Variants in TTLL5 observed in about 807,000 individuals in gnomAD.
The protein encoded by TTLL5 is tubulin tyrosine ligase like 5.
Under a neutral mutation model 168.4 loss-of-function variants are expected in TTLL5, and 132 were observed. The observed-to-expected ratio is 0.78, with a 90% confidence interval of 0.68 to 0.91. The LOEUF is 0.91. Among genes scored for constraint, TTLL5 ranks in the 40% least tolerant of loss-of-function variants. The probability of loss-of-function intolerance (pLI) is 0.00; values close to 1 mark genes in which losing one functional copy is unlikely to be tolerated. For missense variants in TTLL5, 1,545 were observed against 1,581.5 expected (o/e 0.98, Z 0.39); for synonymous variants, 546 against 558.6 (o/e 0.98, Z 0.32).
intron 28 of TTLL5, among the ~76,000 whole-genome samples, chr14:75,855,358 A>G (rs749084738): frequency 1.2e-4 from 18 of 152,188 alleles, no homozygotes; most frequent in Non-Finnish European, 2.4e-4. Context: ...TGGAGGGTGA[A>G]CAAAAGCTGA....
At chr14:75,899,102 C>T (rs2032805468) in intron 30 of TTLL5, among the ~76,000 whole-genome samples, 1 of 152,128 alleles carries the variant, frequency 6.6e-6, no homozygotes, top group South Asian at 2.1e-4. Flanking sequence ...AGTAATAGTT[C>T]ATGTATATTT....
intron 21 of TTLL5, among the ~76,000 whole-genome samples, chr14:75,775,057 A>G (rs1055949836): frequency 3.4e-5 from 5 of 145,950 alleles, no homozygotes; most frequent in Admixed American, 6.9e-5. Flanking sequence ...ATACTTCATC[A>G]TCTTTTCTAT....
chr14:75,801,008 A>G (rs939467202), intron 27 of TTLL5, among the ~76,000 whole-genome samples: 2 of 152,064 alleles, frequency 1.3e-5, no homozygotes, highest in Non-Finnish European at 2.9e-5. Context: ...AGAGAGCATC[A>G]GCTGATACAA....
chr14:75,807,214 G>A (rs1254292030), intron 27 of TTLL5, among the ~76,000 whole-genome samples: 6 of 152,126 alleles, frequency 3.9e-5, no homozygotes, highest in Admixed American at 6.5e-5. Context: ...TTGGGAGGCC[G>A]AGGTGGGTGG....
intron 31 of TTLL5, among the ~76,000 whole-genome samples, chr14:75,933,538 A>T: frequency 6.6e-6 from 1 of 152,342 alleles, no homozygotes; most frequent in East Asian, 1.9e-4. Context: ...TCTCTGGCTC[A>T]AGGTCTCTCA....
chr14:75,793,472 A>G (rs1372023612), intron 27 of TTLL5, among the ~76,000 whole-genome samples: 1 of 152,130 alleles, frequency 6.6e-6, no homozygotes, highest in African/African-American at 2.4e-5. Context: ...TTATAACATT[A>G]CCCTTTAAAA....
intron 29 of TTLL5, among the ~76,000 whole-genome samples, chr14:75,868,772 A>G (rs147474302): frequency 6.6e-6 from 1 of 152,320 alleles, no homozygotes; most frequent in African/African-American, 2.4e-5. Context: ...TCCTGCAGGA[A>G]TGAATTCTGT....
chr14:75,870,305 CT>C (rs2030923062), intron 29 of TTLL5, among the ~76,000 whole-genome samples: 1 of 148,168 alleles, frequency 6.7e-6, no homozygotes, highest in Admixed American at 6.8e-5. Context: ...CGGGGTCTCG[CT>C]ATATTGCCCA....
chr14:75,692,318 A>G (rs979228257), intron 6 of TTLL5, among the ~76,000 whole-genome samples: 10 of 152,200 alleles, frequency 6.6e-5, no homozygotes, highest in African/African-American at 1.7e-4. Flanking sequence ...ACTACTCACT[A>G]TATTAATACT....
intron 27 of TTLL5, among the ~76,000 whole-genome samples, chr14:75,819,601 A>G (rs965569710): frequency 1.3e-5 from 2 of 152,170 alleles, no homozygotes; most frequent in Non-Finnish European, 2.9e-5. Flanking sequence ...TTTGTGTATT[A>G]TAATAATGTT....
At chr14:75,709,355 AGAC>A in intron 9 of TTLL5, 1 of 604,490 alleles carries the variant, frequency 1.7e-6, no homozygotes, top group Non-Finnish European at 3.0e-6. Flanking sequence ...CAGTGAGAGC[AGAC>A]TAACCAAACC....
At chr14:75,875,440 T>G (rs1215607135) in intron 29 of TTLL5, among the ~76,000 whole-genome samples, 1 of 150,790 alleles carries the variant, frequency 6.6e-6, no homozygotes, top group African/African-American at 2.4e-5. Context: ...TCCCACCTAC[T>G]TGGGAGGCTG....
At chr14:75,724,873 A>G (rs1888092874) in intron 12 of TTLL5, among the ~76,000 whole-genome samples, 1 of 152,232 alleles carries the variant, frequency 6.6e-6, no homozygotes, top group Non-Finnish European at 1.5e-5. Context: ...GTGAGATACA[A>G]CTGGCTATGA....
At chr14:75,690,431 GAC>G in intron 6 of TTLL5, 109 bp downstream of exon 6, 1 of 1,317,950 alleles carries the variant, frequency 7.6e-7, no homozygotes, top group Non-Finnish European at 1.0e-6. Flanking sequence ...CAAATCCTTA[GAC>G]AACTGTGACT....
chr14:75,793,163 A>C (rs1165909238), intron 27 of TTLL5, 63 bp downstream of exon 27: 2 of 1,420,252 alleles, frequency 1.4e-6, no homozygotes. Flanking sequence ...ATGACAGGGT[A>C]CTTTGTCTTT....
At chr14:75,675,874 A>G (rs773578184) in intron 3 of TTLL5, among the ~76,000 whole-genome samples, 1 of 152,172 alleles carries the variant, frequency 6.6e-6, no homozygotes, top group African/African-American at 2.4e-5. Flanking sequence ...TTATAAGGTT[A>G]TTGGTTTATG....
At chr14:75,680,902 C>T (rs1387228057) in intron 3 of TTLL5, among the ~76,000 whole-genome samples, 1 of 152,114 alleles carries the variant, frequency 6.6e-6, no homozygotes, top group Non-Finnish European at 1.5e-5. Context: ...GCTGGAGTTA[C>T]AGGCGTGAGC....
chr14:75,927,177 A>T (rs191973026), intron 31 of TTLL5, among the ~76,000 whole-genome samples: 1 of 152,350 alleles, frequency 6.6e-6, no homozygotes, highest in Non-Finnish European at 1.5e-5. Flanking sequence ...TGATACAGGC[A>T]TGCAATGTGA....
chr14:75,724,935 C>T (rs962327054), intron 12 of TTLL5, among the ~76,000 whole-genome samples: 2 of 152,156 alleles, frequency 1.3e-5, no homozygotes, highest in African/African-American at 4.8e-5. Context: ...ACAGGATGTT[C>T]GCTGCTCTTT....
Sources: allele counts gnomAD v4.1 joint callset (sites outside exome capture counted in the v4.1 genomes callset), GRCh38; gene constraint gnomAD v4.1.1; transcripts MANE v1.5; gene names NCBI Gene and HGNC (gene_info 2026-07-23, HGNC 2026-07-21).